The following HMCN1 variants were observed in gnomAD, a reference collection of about 807,000 sequenced individuals.
The protein encoded by HMCN1 is hemicentin-1.
A neutral mutation model predicts 625.9 loss-of-function variants in HMCN1; 321 were observed. The observed-to-expected ratio is 0.51, with a 90% CI of 0.47 to 0.56. The LOEUF (loss-of-function observed/expected upper bound fraction) is 0.56, where lower values mean the gene tolerates loss of function less well. Ranked by LOEUF, HMCN1 falls within the 20% of genes least tolerant of loss-of-function variation. HMCN1 has a pLI of 0.00. For synonymous variants in HMCN1, 2,425 were observed against 2,417.6 expected (o/e 1.00, Z -0.09); for missense variants, 6,588 against 6,887.3 (o/e 0.96, Z 1.54).
At chr1:186,042,114 G>A (rs1656248208) in intron 40 of HMCN1, among the ~76,000 whole-genome samples, 1 of 152,022 alleles carries the variant, frequency 6.6e-6, no homozygotes, top group Admixed American at 6.6e-5. Flanking sequence ...GTTTTAGTTG[G>A]CATCGGTACA....
At chr1:185,916,024 A>C (rs1666680475) in intron 6 of HMCN1, among the ~76,000 whole-genome samples, 1 of 151,942 alleles carries the variant, frequency 6.6e-6, no homozygotes, top group South Asian at 2.1e-4. Flanking sequence ...TTAGGTACAC[A>C]TGCACATTTT....
intron 20 of HMCN1, 34 bp from the exon 21 acceptor site, chr1:185,989,454 C>CA (rs143748038): frequency 1.2e-6 from 2 of 1,612,168 alleles, no homozygotes; most frequent in African/African-American, 1.3e-5. Context: ...AACAAACAAA[C>CA]AAAAAACCCT....
intron 11 of HMCN1, among the ~76,000 whole-genome samples, chr1:185,947,961 T>C (rs1406316939): frequency 6.6e-6 from 1 of 152,202 alleles, no homozygotes; most frequent in African/African-American, 2.4e-5. Flanking sequence ...GAAATGAAAA[T>C]GCATTTGAAA....
chr1:185,759,688 G>A (rs191989927), intron 1 of HMCN1, among the ~76,000 whole-genome samples: 41 of 151,602 alleles, frequency 2.7e-4, no homozygotes, highest in Non-Finnish European at 5.3e-4. Context: ...TTACTACCTG[G>A]CAATAGTAGG....
chr1:185,997,578 T>C (rs549357016), intron 25 of HMCN1, 54 bp downstream of exon 25: 76 of 1,259,436 alleles, frequency 6.0e-5, no homozygotes, highest in Non-Finnish European at 8.3e-5. Flanking sequence ...GGTTTCAGAA[T>C]GCTATATTGA....
intron 6 of HMCN1, among the ~76,000 whole-genome samples, chr1:185,921,176 C>A (rs1282348223): frequency 1.3e-5 from 2 of 152,124 alleles, no homozygotes; most frequent in African/African-American, 2.4e-5. Context: ...CTTTTGTAAC[C>A]TTTATGCAAA....
At chr1:185,790,234 C>T (rs768079441) in intron 1 of HMCN1, among the ~76,000 whole-genome samples, 5 of 152,186 alleles carry the variant, frequency 3.3e-5, no homozygotes, top group Non-Finnish European at 7.4e-5. Context: ...TTTAACCTTT[C>T]GAAATTTCCA....
At position 185,920,360 on chromosome 1, in the gene HMCN1, A is replaced by T. The variant is rs1361654285; in HGVS notation, c.901-2019A>T. Among the ~76,000 whole-genome samples the T allele has an allele frequency of 3.9e-5, 6 of 152,302 alleles. No homozygotes were observed. In the East Asian group the frequency reaches 9.7e-4, roughly 25 times the overall value. ...ACTCACTTGAAGATATCTTTTATTTACAAACACTTAAATTCATCAAAGACA... is the reference window on the plus strand; with the variant it reads ...ACTCACTTGAAGATATCTTTTATTTTCAAACACTTAAATTCATCAAAGACA... On this transcript the variant is annotated intron_variant, in intron 6 of 106. Transcript: ENST00000271588.
chr1:186,100,528 A>G (rs1337163845), intron 68 of HMCN1, among the ~76,000 whole-genome samples: 3 of 152,174 alleles, frequency 2.0e-5, no homozygotes, highest in Non-Finnish European at 4.4e-5. Context: ...TTTTTTGACC[A>G]CATTAAGAAG....
intron 6 of HMCN1, among the ~76,000 whole-genome samples, chr1:185,913,858 A>G (rs1389874641): frequency 2.0e-5 from 3 of 152,122 alleles, no homozygotes. Flanking sequence ...GCACATTTTA[A>G]TTGATAATTA....
rs921442460 is a variant in HMCN1, at chr1:185,832,017, CG to C, written c.269-14006del. Among the ~76,000 whole-genome samples the C allele has an allele frequency of 7.3e-4, 111 of 152,184 alleles. 1 individual carries two copies. Among genetic ancestry groups the C allele is most frequent in the Admixed American group, 6.5e-4 (10 of 15,282 alleles). ...TGGCTGATCTAAAGTTGATAATGGCCGGGCGTGGTGGCTCACGCCTATAATT... is the reference window on the plus strand; with the variant it reads ...TGGCTGATCTAAAGTTGATAATGGCCGGCGTGGTGGCTCACGCCTATAATT... On this transcript the variant is annotated intron_variant, in intron 1 of 106. Transcript: ENST00000271588.
intron 50 of HMCN1, among the ~76,000 whole-genome samples, chr1:186,068,243 A>C (rs554842904): frequency 6.6e-6 from 1 of 152,202 alleles, no homozygotes; most frequent in Non-Finnish European, 1.5e-5. Context: ...TACCTAAATT[A>C]AAAGGCAAAT....
intron 1 of HMCN1, among the ~76,000 whole-genome samples, chr1:185,802,615 G>A (rs1658874285): frequency 6.6e-6 from 1 of 152,124 alleles, no homozygotes; most frequent in Admixed American, 6.5e-5. Context: ...CAAGGAAAGG[G>A]TGTGTTTTAA....
intron 1 of HMCN1, among the ~76,000 whole-genome samples, chr1:185,845,001 C>T (rs763650306): frequency 1.3e-5 from 2 of 152,198 alleles, no homozygotes; most frequent in Admixed American, 6.5e-5. Flanking sequence ...CCAGGGAAGG[C>T]AGTGGCCCCA....
At chr1:186,104,341 T>C (rs955707369) in intron 69 of HMCN1, among the ~76,000 whole-genome samples, 1 of 152,190 alleles carries the variant, frequency 6.6e-6, no homozygotes, top group East Asian at 1.9e-4. Flanking sequence ...CAACATGATG[T>C]GCTTAGACTG....
At chr1:185,873,547 A>G (rs1663758489) in intron 4 of HMCN1, among the ~76,000 whole-genome samples, 1 of 152,126 alleles carries the variant, frequency 6.6e-6, no homozygotes, top group Non-Finnish European at 1.5e-5. Context: ...AGACAAATAA[A>G]ATTCTGTTGA....
Position 185,830,327 on chromosome 1 carries a change from C to T in HMCN1, c.269-15699C>T, listed in dbSNP as rs148734190. On this transcript the variant is annotated intron_variant, in intron 1 of 106. Transcript: ENST00000271588. The stretch of plus-strand genomic sequence containing the variant: ...TTTGTCATGAAGGCTTTGCCCGTGC[C>T]GTATGTCCTGAATGGTTTTGCCTAG... Among the ~76,000 whole-genome samples the T allele has an allele frequency of 5.1e-3, 774 of 152,108 alleles. 6 individuals are homozygous for T. Among genetic ancestry groups the T allele is most frequent in the African/African-American group, 0.018 (753 of 41,510 alleles).
chr1:185,841,340 T>C (rs1171811672), intron 1 of HMCN1, among the ~76,000 whole-genome samples: 1 of 152,232 alleles, frequency 6.6e-6, no homozygotes, highest in Non-Finnish European at 1.5e-5. Context: ...AAATAAGTTA[T>C]ATATGAAAAA....
chr1:186,044,427 G>A (rs1480936429), intron 40 of HMCN1, among the ~76,000 whole-genome samples: 1 of 152,030 alleles, frequency 6.6e-6, no homozygotes, highest in Non-Finnish European at 1.5e-5. Flanking sequence ...GTGCTCTTTG[G>A]TTCATACCCT....
Sources: allele counts gnomAD v4.1 joint callset (sites outside exome capture counted in the v4.1 genomes callset), GRCh38; gene constraint gnomAD v4.1.1; transcripts MANE v1.5; gene names NCBI Gene and HGNC (gene_info 2026-07-23, HGNC 2026-07-21).